OLFM2: variants seen among roughly 807,000 people sequenced by gnomAD.
The protein encoded by OLFM2 is noelin-2.
In OLFM2, 20 loss-of-function variants were observed where a neutral mutation model predicts 43.9. The ratio of observed to expected loss-of-function variants is 0.46; its 90% confidence interval spans 0.32 to 0.66. The LOEUF (loss-of-function observed/expected upper bound fraction) is 0.66. Among genes scored for constraint, OLFM2 ranks in the 30% least tolerant of loss-of-function variants. The probability of loss-of-function intolerance (pLI) is 0.04; values close to 1 mark genes in which losing one functional copy is unlikely to be tolerated. For missense variants in OLFM2, 416 were observed against 643.6 expected (o/e 0.65, Z 3.83); for synonymous variants, 268 against 278.6 (o/e 0.96, Z 0.38).
intron 1 of OLFM2, among the ~76,000 whole-genome samples, chr19:9,914,128 G>A (rs951671105): frequency 1.4e-5 from 2 of 145,922 alleles, no homozygotes; most frequent in Non-Finnish European, 3.0e-5. Flanking sequence ...ACCGCCTCCC[G>A]CACGCAGACC....
chr19:9,918,786 T>C (rs1005015908), intron 1 of OLFM2, among the ~76,000 whole-genome samples: 4 of 152,182 alleles, frequency 2.6e-5, no homozygotes, highest in African/African-American at 4.8e-5. Flanking sequence ...TAGTTTATGA[T>C]TCTATTTATA....
intron 1 of OLFM2, among the ~76,000 whole-genome samples, chr19:9,900,049 C>T (rs926638902): frequency 6.6e-6 from 1 of 152,196 alleles, no homozygotes; most frequent in East Asian, 1.9e-4. Context: ...GACAAATGAG[C>T]GAATCATGGC....
intron 1 of OLFM2, among the ~76,000 whole-genome samples, chr19:9,861,354 A>G (rs925829987): frequency 4.0e-5 from 6 of 151,788 alleles, no homozygotes; most frequent in Non-Finnish European, 8.8e-5. Flanking sequence ...AGCCTGGGTA[A>G]CAGAGTGAGA....
At chr19:9,905,558 T>C (rs1490599294) in intron 1 of OLFM2, among the ~76,000 whole-genome samples, 1 of 145,792 alleles carries the variant, frequency 6.9e-6, no homozygotes, top group Admixed American at 7.1e-5. Flanking sequence ...GGAGAATCAC[T>C]GGAACCCGGG....
At chr19:9,917,384 C>T (rs1039325025) in intron 1 of OLFM2, among the ~76,000 whole-genome samples, 27 of 96,114 alleles carry the variant, frequency 2.8e-4, no homozygotes, top group Non-Finnish European at 5.1e-4. Context: ...TGGGTCAGAG[C>T]CATGCCCTGC....
rs372361121 is a variant in OLFM2, at chr19:9,927,835, G to A, written c.63+8469C>T. ...AATCCCAGCACCTTGGGAGGCTGAG[G>A]CGGATCACTTGAGGTCAGGAGTTCG... On this transcript the variant is annotated intron_variant, in intron 1 of 5. Transcript: ENST00000264833. Among the ~76,000 whole-genome samples the A allele has an allele frequency of 3.0e-4, 45 of 152,304 alleles. No individual in the cohort carries two copies. In the East Asian group the frequency reaches 3.1e-3, roughly 10 times the overall value.
rs1237409068 is a variant in OLFM2 at position 9,854,284 on chromosome 19, T to C, written c.1267A>G (p.Asn423Asp). 6.2e-7 allele frequency: 1 copy of C among 1,614,124 alleles called. No homozygotes were observed. The highest frequency in any genetic ancestry group is 2.2e-5 in the East Asian group (1 of 44,870). Residue 423 changes from asparagine (N) to aspartate (D), a missense_variant, in exon 6 of 6, where the codon AAC (asparagine) becomes GAC (aspartate). Coordinates refer to ENST00000264833, the MANE Select transcript of OLFM2 (RefSeq NM_058164.4). The surrounding 1 kb of genome is among the most constrained non-coding windows in gnomAD (Gnocchi z 9.5). ...QYSHISMLDY[N>D]PRERALYTWN... ...GTATAGAGGGCGCGCTCCCGGGGGTTGTAATCCAGCATCGAGATGTGGGAA... is the reference window on the plus strand; with the variant it reads ...GTATAGAGGGCGCGCTCCCGGGGGTCGTAATCCAGCATCGAGATGTGGGAA...
intron 1 of OLFM2, among the ~76,000 whole-genome samples, chr19:9,921,722 T>A (rs2086422813): frequency 6.6e-6 from 1 of 151,782 alleles, no homozygotes; most frequent in South Asian, 2.1e-4. Flanking sequence ...CCTGACCTCG[T>A]AATCCGCCCA....
At chr19:9,901,721 C>A (rs1039932765) in intron 1 of OLFM2, among the ~76,000 whole-genome samples, 2 of 152,182 alleles carry the variant, frequency 1.3e-5, no homozygotes, top group Non-Finnish European at 2.9e-5. Context: ...TTGGAGTGCA[C>A]AGGGATTCTG....
Position 9,906,861 on chromosome 19 carries a change from C to T in OLFM2, c.63+29443G>A, listed in dbSNP as rs73500954. 6.8e-3 allele frequency among the ~76,000 whole-genome samples: 1,035 copies of T among 152,294 alleles called. 8 individuals carry two copies. The highest frequency in any genetic ancestry group is 0.024 in the African/African-American group (988 of 41,572). ...TCCTTTTGGCCCTAGCTACCCTCCCCTTCCCTCTCCCTCCCCCAATCACTC... is the reference window on the plus strand; with the variant it reads ...TCCTTTTGGCCCTAGCTACCCTCCCTTTCCCTCTCCCTCCCCCAATCACTC... On this transcript the variant is annotated intron_variant, in intron 1 of 5. Transcript: ENST00000264833.
intron 1 of OLFM2, among the ~76,000 whole-genome samples, chr19:9,898,904 T>C (rs1337803291): frequency 1.3e-5 from 2 of 152,152 alleles, no homozygotes; most frequent in African/African-American, 2.4e-5. Context: ...CGGGAATCCA[T>C]TACCCAACCC....
chr19:9,886,976 C>G (rs973892412), intron 1 of OLFM2, among the ~76,000 whole-genome samples: 3 of 152,024 alleles, frequency 2.0e-5, no homozygotes, highest in African/African-American at 7.2e-5. Context: ...GCCACCGTGC[C>G]TGGCCTCATA....
At chr19:9,885,005 A>T (rs1265545562) in intron 1 of OLFM2, among the ~76,000 whole-genome samples, 2 of 152,166 alleles carry the variant, frequency 1.3e-5, no homozygotes, top group Non-Finnish European at 2.9e-5. Flanking sequence ...GGGTGGATAC[A>T]GGGGCTCTGG....
At position 9,856,650 on chromosome 19, in the gene OLFM2, T is replaced by C. The variant is rs532498525; in HGVS notation, c.687+157A>G. 2.8e-4 allele frequency among the ~76,000 whole-genome samples: 42 copies of C among 152,276 alleles called. No individual in the cohort carries two copies. Among genetic ancestry groups the C allele is most frequent in the Admixed American group, 1.2e-3 (19 of 15,306 alleles). The stretch of plus-strand genomic sequence containing the variant: ...CAAGGCTGCAAAGCCCTTGGTCACT[T>C]GGGGGTTACTGGACAGGGAGGTCCA... On this transcript the variant is annotated intron_variant, in intron 5 of 5. Transcript: ENST00000264833. This position sits in a 1 kb window ranked among gnomAD's most constrained non-coding sequence, Gnocchi z 4.0.
At chr19:9,905,777 C>T (rs1178824905) in intron 1 of OLFM2, among the ~76,000 whole-genome samples, 1 of 152,164 alleles carries the variant, frequency 6.6e-6, no homozygotes, top group Non-Finnish European at 1.5e-5. Context: ...ACCTACCTTG[C>T]CATGCCCTTG....
chr19:9,882,121 C>T (rs950163522), intron 1 of OLFM2, among the ~76,000 whole-genome samples: 1 of 152,058 alleles, frequency 6.6e-6, no homozygotes, highest in Non-Finnish European at 1.5e-5. Flanking sequence ...CACCACTAAT[C>T]TCAGCTACTC....
intron 1 of OLFM2, among the ~76,000 whole-genome samples, chr19:9,889,019 T>C (rs1248627748): frequency 4.0e-5 from 6 of 151,736 alleles, no homozygotes; most frequent in Non-Finnish European, 8.8e-5. Context: ...TGAGCCAAGA[T>C]TGCGCCACTG....
At chr19:9,924,896 AT>A (rs2070463739) in intron 1 of OLFM2, among the ~76,000 whole-genome samples, 3 of 151,530 alleles carry the variant, frequency 2.0e-5, no homozygotes, top group Non-Finnish European at 4.4e-5. Context: ...TGTGATATAT[AT>A]ATATATATGC....
intron 1 of OLFM2, among the ~76,000 whole-genome samples, chr19:9,865,814 TC>T (rs1326035325): frequency 4.0e-4 from 53 of 133,602 alleles, no homozygotes; most frequent in African/African-American, 7.0e-4. Flanking sequence ...TAAATCTCAT[TC>T]TTAAAAAAAA....
Sources: allele counts gnomAD v4.1 joint callset (sites outside exome capture counted in the v4.1 genomes callset), GRCh38; gene constraint gnomAD v4.1.1; non-coding constraint Gnocchi (gnomAD v3.1); transcripts MANE v1.5; gene names NCBI Gene and HGNC (gene_info 2026-07-23, HGNC 2026-07-21).